Variants in MRPS15 observed in about 807,000 individuals in gnomAD.
MRPS15 encodes the protein mitochondrial ribosomal protein S15.
MRPS15 carries 25 observed loss-of-function variants against 30.7 expected under a neutral mutation model. The observed-to-expected ratio is 0.81, with a 90% CI of 0.59 to 1.14. MRPS15 has a LOEUF of 1.14. Among genes scored for constraint, MRPS15 ranks in the 50% most tolerant of loss-of-function variants. The pLI is 0.00. For missense variants in MRPS15, 313 were observed against 321.7 expected (o/e 0.97, Z 0.21); for synonymous variants, 124 against 120.1 (o/e 1.03, Z -0.21).
chr1:36,457,290 AATAT>A, intron 6 of MRPS15, among the ~76,000 whole-genome samples: 1 of 138,676 alleles, frequency 7.2e-6, no homozygotes, highest in African/African-American at 2.6e-5. Context: ...AAAAAAAAAA[AATAT>A]ATATATATAT....
chr1:36,461,536 G>T (rs1650099600), intron 3 of MRPS15, among the ~76,000 whole-genome samples: 1 of 152,302 alleles, frequency 6.6e-6, no homozygotes, highest in African/African-American at 2.4e-5. Context: ...GACTGTTCCG[G>T]TCTCATCACA....
Position 36,458,095 on chromosome 1 carries a change from CT to C in MRPS15, c.386-115del. 1 of 817,868 alleles carries C rather than the reference CT, an allele frequency of 1.2e-6. No homozygotes were observed. The allele number at this position is 817,868 out of a possible 1,614,324, so 50.7% of individuals were successfully genotyped here. ...ACAATCACCAATGCTCTGTACAGCT[CT>C]CTATAAATCCCAAATCACTCTGAAT... On this transcript the variant is annotated intron_variant, in intron 5 of 7. Coordinates refer to ENST00000373116, the MANE Select transcript of MRPS15 (RefSeq NM_031280.4). This position sits in a 1 kb window ranked among gnomAD's most constrained non-coding sequence, Gnocchi z 4.5.
chr1:36,456,808 C>T (rs1303226855), intron 6 of MRPS15, among the ~76,000 whole-genome samples: 1 of 152,196 alleles, frequency 6.6e-6, no homozygotes, highest in Non-Finnish European at 1.5e-5. Flanking sequence ...GCTGCTGTCC[C>T]ACACCTCAAA....
Position 36,455,758 on chromosome 1 carries a change from T to C in MRPS15, c.*30A>G. 1 of 1,610,352 alleles carries C rather than the reference T, an allele frequency of 6.2e-7. No homozygotes were observed. The highest frequency in any genetic ancestry group is 8.5e-7 in the Non-Finnish European group (1 of 1,178,958). ...GCCCCATCATCTCTCCTATCATTCTTCAAGACAGAAAGAAATGATTGAACA... is the reference window on the plus strand; with the variant it reads ...GCCCCATCATCTCTCCTATCATTCTCCAAGACAGAAAGAAATGATTGAACA... On this transcript the variant is annotated 3_prime_UTR_variant, in exon 8 of 8. Transcript: ENST00000373116.
At chr1:36,460,834 C>T in intron 4 of MRPS15, 58 bp from the exon 5 acceptor site, 1 of 1,423,876 alleles carries the variant, frequency 7.0e-7, no homozygotes, top group Non-Finnish European at 9.9e-7. Flanking sequence ...AAGAACTAGC[C>T]CTCCTCCCCC....
chr1:36,462,290 G>T, intron 2 of MRPS15, 127 bp from the exon 3 acceptor site: 1 of 641,372 alleles, frequency 1.6e-6, no homozygotes. Context: ...GCAAAGCACT[G>T]GATATCTCTC....
Position 36,458,329 on chromosome 1 carries a change from G to A in MRPS15, c.386-348C>T. On this transcript the variant is annotated intron_variant, in intron 5 of 7. Coordinates refer to ENST00000373116, the MANE Select transcript of MRPS15 (RefSeq NM_031280.4). This position sits in a 1 kb window ranked among gnomAD's most constrained non-coding sequence, Gnocchi z 4.5. Reference sequence around the variant, plus strand: ...CCGCAGCCTCTGCCTCCCAGGTTCAGGTGATTCTCTTGCCTCAGACTCCAG... The same window carrying A: ...CCGCAGCCTCTGCCTCCCAGGTTCAAGTGATTCTCTTGCCTCAGACTCCAG... 5.2e-6 allele frequency: 1 copy of A among 191,510 alleles called. No individual in the cohort carries two copies. The allele number at this position is 191,510 out of a possible 1,614,324, so 11.9% of individuals were successfully genotyped here.
intron 5 of MRPS15, 135 bp downstream of exon 5, chr1:36,460,557 T>C (rs889170542): frequency 1.0e-5 from 7 of 685,570 alleles, no homozygotes; most frequent in Non-Finnish European, 1.5e-5. Flanking sequence ...CAGGGTCCAA[T>C]TTTCATTGCC....
intron 7 of MRPS15, 103 bp downstream of exon 7, chr1:36,456,084 G>C (rs567293091): frequency 6.7e-7 from 1 of 1,488,910 alleles, no homozygotes; most frequent in Admixed American, 2.2e-5. Flanking sequence ...CAGGGCCTGG[G>C]GCCAGTTCCA....
rs754328682 is a variant in MRPS15 at position 36,455,928 on chromosome 1, G to A, written c.637-3C>T. ...AGCTTTTGAGTCTCCTGGAAAACCT[G>A]GGGATGAAAAGGGGCAGAAAAAGAC... On this transcript the variant is annotated splice_region_variant and splice_polypyrimidine_tract_variant and intron_variant, in intron 7 of 7. Coordinates refer to ENST00000373116, the MANE Select transcript of MRPS15 (RefSeq NM_031280.4). 3 of 1,612,256 alleles carry A rather than the reference G, an allele frequency of 1.9e-6. No homozygotes were observed. Among genetic ancestry groups the A allele is most frequent in the Non-Finnish European group, 2.5e-6 (3 of 1,179,630 alleles).
intron 6 of MRPS15, among the ~76,000 whole-genome samples, chr1:36,457,284 A>T (rs1481199127): frequency 1.3e-5 from 2 of 150,424 alleles, no homozygotes; most frequent in South Asian, 2.1e-4. Flanking sequence ...TCAAAAAAAA[A>T]AAAAAAATAT....
intron 6 of MRPS15, among the ~76,000 whole-genome samples, chr1:36,457,508 A>G (rs142739249): frequency 4.6e-5 from 7 of 152,206 alleles, no homozygotes; most frequent in Non-Finnish European, 5.9e-5. Context: ...ATTGGCTGTT[A>G]TTATTATTTC....
intron 5 of MRPS15, among the ~76,000 whole-genome samples, chr1:36,460,373 CCT>C (rs1458230756): frequency 1.3e-5 from 2 of 152,180 alleles, no homozygotes; most frequent in Non-Finnish European, 2.9e-5. Context: ...CCCCTAGCTG[CCT>C]CTCACAATGC....
In MRPS15 at chr1:36,460,698, C is replaced by T. The variant is rs780483047; in HGVS notation, c.379G>A (p.Ala127Thr). The T allele has an allele frequency of 1.9e-6, 3 of 1,613,746 alleles. No individual in the cohort carries two copies. In the African/African-American group the frequency reaches 4.0e-5, roughly 22 times the overall value. ...CCAAGGGTCCCCGACCAACTTCGAG[C>T]CTCCAGGGATCTGGTGTCCTCTGGG... ...ANPEDTRSLE[A>T]RIIALSVKIR... Residue 127 changes from alanine (A) to threonine (T), a missense_variant, in exon 5 of 8, where the codon GCT becomes ACT. Ala to Thr is a moderately conservative substitution (Grantham distance 58). Coordinates refer to ENST00000373116, the MANE Select transcript of MRPS15 (RefSeq NM_031280.4).
chr1:36,464,099 C>T, intron 1 of MRPS15, 47 bp downstream of exon 1: 1 of 1,437,214 alleles, frequency 7.0e-7, no homozygotes, highest in Non-Finnish European at 9.5e-7. Context: ...CTATCTTCGC[C>T]GAACCCTGTT....
intron 1 of MRPS15, 23 bp from the exon 2 acceptor site, chr1:36,463,873 A>G: frequency 6.2e-7 from 1 of 1,605,882 alleles, no homozygotes; most frequent in Non-Finnish European, 8.5e-7. Flanking sequence ...GAGAGGGCTG[A>G]GGACCATCTC....
Position 36,461,263 on chromosome 1 carries a change from C to G in MRPS15, c.300+1G>C, listed in dbSNP as rs1433232831. 6.2e-7 allele frequency: 1 copy of G among 1,614,194 alleles called. No homozygotes were observed. On this transcript the variant is annotated splice_donor_variant, in intron 4 of 7. Coordinates refer to ENST00000373116, the MANE Select transcript of MRPS15 (RefSeq NM_031280.4). LOFTEE classifies it high-confidence loss of function. Reference sequence around the variant, plus strand: ...GCTGAGGCTTGGCAGAGGCTGCTCACCTTGTTGGCCATTTCCAAAGACAAG... The same window carrying G: ...GCTGAGGCTTGGCAGAGGCTGCTCAGCTTGTTGGCCATTTCCAAAGACAAG...
intron 2 of MRPS15, among the ~76,000 whole-genome samples, chr1:36,463,016 G>A (rs1317926986): frequency 1.3e-5 from 2 of 152,054 alleles, no homozygotes; most frequent in Non-Finnish European, 2.9e-5. Flanking sequence ...CCAGGCTGGA[G>A]TGCAGTGGCA....
intron 6 of MRPS15, among the ~76,000 whole-genome samples, chr1:36,456,927 C>T (rs556726331): frequency 1.3e-5 from 2 of 152,346 alleles, no homozygotes; most frequent in Non-Finnish European, 2.9e-5. Context: ...AAAATAACAG[C>T]ATTTGCCTAA....
Sources: allele counts gnomAD v4.1 joint callset (sites outside exome capture counted in the v4.1 genomes callset), GRCh38; gene constraint gnomAD v4.1.1; non-coding constraint Gnocchi (gnomAD v3.1); transcripts MANE v1.5; gene names NCBI Gene and HGNC (gene_info 2026-07-23, HGNC 2026-07-21).